TDRD1: variants seen among roughly 807,000 people sequenced by gnomAD.
TDRD1 encodes the protein tudor domain-containing protein 1.
A neutral mutation model predicts 140.6 loss-of-function variants in TDRD1; 37 were observed. The ratio of observed to expected loss-of-function variants is 0.26; its 90% CI spans 0.20 to 0.35. The LOEUF (loss-of-function observed/expected upper bound fraction) is 0.35, where lower values mean the gene tolerates loss of function less well. Ranked by LOEUF, TDRD1 falls within the 10% of genes least tolerant of loss-of-function variation. The probability of loss-of-function intolerance (pLI) is 1.00; values close to 1 mark genes in which losing one functional copy is unlikely to be tolerated. For missense variants in TDRD1, 1,243 were observed against 1,393.0 expected (o/e 0.89, Z 1.71); for synonymous variants, 506 against 475.7 (o/e 1.06, Z -0.83).
intron 21 of TDRD1, among the ~76,000 whole-genome samples, chr10:114,223,191 G>C (rs2036243026): frequency 6.6e-6 from 1 of 152,192 alleles, no homozygotes; most frequent in Non-Finnish European, 1.5e-5. Context: ...GGTTAAGTGG[G>C]AGTGGAGCCA....
intron 21 of TDRD1, among the ~76,000 whole-genome samples, chr10:114,224,567 C>T (rs544957570): frequency 6.6e-6 from 1 of 152,270 alleles, no homozygotes; most frequent in East Asian, 1.9e-4. Flanking sequence ...GCTAAATGTC[C>T]TCTTCTCTCT....
chr10:114,207,261 A>G (rs1442089925), intron 11 of TDRD1, among the ~76,000 whole-genome samples: 1 of 152,188 alleles, frequency 6.6e-6, no homozygotes, highest in Non-Finnish European at 1.5e-5. Flanking sequence ...CCGTGGTTGG[A>G]CACATCCTAT....
downstream of TDRD1, chr10:114,232,321 C>T (rs529925251): frequency 4.8e-5 from 7 of 145,264 alleles, no homozygotes; most frequent in South Asian, 2.2e-4. Context: ...AAAAAAAAAA[C>T]GAAGAGTGTA....
intron 1 of TDRD1, among the ~76,000 whole-genome samples, chr10:114,183,768 T>C (rs1241667772): frequency 1.3e-5 from 2 of 151,210 alleles, no homozygotes. Context: ...TGGCGCAATT[T>C]TGGCTCGCTG....
chr10:114,224,631 A>T (rs2036331786), intron 21 of TDRD1, among the ~76,000 whole-genome samples: 1 of 152,000 alleles, frequency 6.6e-6, no homozygotes, highest in Admixed American at 6.5e-5. Flanking sequence ...CCAACTTTTT[A>T]AATTTAGGTT....
chr10:114,212,147 A>T (rs2035525721), intron 14 of TDRD1, 111 bp downstream of exon 14: 2 of 965,046 alleles, frequency 2.1e-6, no homozygotes, highest in Admixed American at 3.3e-5. Flanking sequence ...TCATGATCAG[A>T]TGCTTAAAAG....
At chr10:114,206,611 G>GTTTT (rs33936742) in intron 11 of TDRD1, among the ~76,000 whole-genome samples, 8 of 105,988 alleles carry the variant, frequency 7.5e-5, no homozygotes, top group Admixed American at 1.0e-4. Flanking sequence ...GTTAGGGTTT[G>GTTTT]TTTTTTTTTT....
intron 3 of TDRD1, among the ~76,000 whole-genome samples, chr10:114,196,833 C>CTTTTTTT (rs36124319): frequency 0.023 from 1,114 of 48,362 alleles, 289 homozygotes; most frequent in Non-Finnish European, 0.026. Context: ...TTCTAGCAGT[C>CTTTTTTT]TTTTTTTTTT....
At chr10:114,217,191 A>G (rs969602396) in intron 16 of TDRD1, among the ~76,000 whole-genome samples, 3 of 152,168 alleles carry the variant, frequency 2.0e-5, no homozygotes, top group Admixed American at 6.5e-5. Flanking sequence ...TGTGCCATCC[A>G]TTTAGTGATT....
intron 25 of TDRD1, chr10:114,228,728 T>A (rs1049590043): frequency 1.2e-5 from 12 of 985,326 alleles, no homozygotes; most frequent in East Asian, 2.3e-4. Context: ...ATTTTAAATG[T>A]CTGGGATCCT....
rs2034571949 is a variant in TDRD1 at position 114,199,280 on chromosome 10, T to C, written c.492T>C (p.Pro164=). 4 of 1,613,356 alleles carry C rather than the reference T, an allele frequency of 2.5e-6. No homozygotes were observed. In the East Asian group the frequency reaches 8.9e-5, roughly 36 times the overall value. The change falls in exon 4 of 26, where the codon CCT becomes CCC. Residue 164 remains proline, a synonymous_variant. Transcript: ENST00000251864. ...GGCTCTTCACCTCCTTAGGACCTCC[T>C]CTTCGGTCCACAACTTGCCATCGCT...
At chr10:114,204,929 G>A (rs1337888664) in intron 10 of TDRD1, 36 bp downstream of exon 10, 2 of 1,510,136 alleles carry the variant, frequency 1.3e-6, no homozygotes, top group African/African-American at 2.9e-5. Flanking sequence ...TACTTAATAG[G>A]ATATGTAGTT....
At chr10:114,190,829 G>A in intron 2 of TDRD1, 132 bp from the exon 3 acceptor site, 1 of 823,904 alleles carries the variant, frequency 1.2e-6, no homozygotes. Flanking sequence ...TGTTGCTTAT[G>A]TTCTGGTGTA....
intron 16 of TDRD1, among the ~76,000 whole-genome samples, chr10:114,214,932 G>A (rs1390295637): frequency 2.6e-5 from 4 of 151,756 alleles, no homozygotes; most frequent in Non-Finnish European, 4.4e-5. Context: ...TAATAAAGGT[G>A]GGGTTTCACC....
intron 11 of TDRD1, 86 bp from the exon 12 acceptor site, chr10:114,210,495 G>A (rs529757482): frequency 1.9e-4 from 261 of 1,350,734 alleles, no homozygotes; most frequent in Middle Eastern, 5.4e-4. Context: ...AGTCATATTC[G>A]TTTTAAAATG....
intron 3 of TDRD1, among the ~76,000 whole-genome samples, chr10:114,191,812 G>A (rs934433529): frequency 2.0e-5 from 3 of 152,094 alleles, no homozygotes; most frequent in Admixed American, 1.3e-4. Flanking sequence ...CCAGAGTGAC[G>A]GTATCATTTT....
chr10:114,191,523 T>C (rs2033966449), intron 3 of TDRD1, among the ~76,000 whole-genome samples: 1 of 152,234 alleles, frequency 6.6e-6, no homozygotes, highest in East Asian at 1.9e-4. Flanking sequence ...TTTCACATAA[T>C]TATCTGGAAA....
chr10:114,208,206 G>A (rs1025088497), intron 11 of TDRD1, among the ~76,000 whole-genome samples: 8 of 152,134 alleles, frequency 5.3e-5, no homozygotes, highest in Non-Finnish European at 1.2e-4. Flanking sequence ...AAGCTAGAGC[G>A]GATCATTAAA....
chr10:114,181,286 A>G (rs555617821), intron 1 of TDRD1, among the ~76,000 whole-genome samples: 4 of 152,326 alleles, frequency 2.6e-5, no homozygotes, highest in African/African-American at 7.2e-5. Flanking sequence ...GATTAAATAT[A>G]TTTCTATTTA....
Sources: gnomAD v4.1 joint callset for allele counts (sites outside exome capture counted in the v4.1 genomes callset) on GRCh38, gnomAD v4.1.1 for gene constraint, MANE v1.5 for transcripts, NCBI Gene and HGNC (gene_info 2026-07-23, HGNC 2026-07-21) for gene names.